NTRK3: variants seen among roughly 807,000 people sequenced by gnomAD.
The protein encoded by NTRK3 is NT-3 growth factor receptor.
In NTRK3, 24 loss-of-function variants were observed where a neutral mutation model predicts 91.7. That is an observed-to-expected ratio of 0.26 (90% CI 0.19 to 0.37). NTRK3 has a LOEUF of 0.37. Among genes scored for constraint, NTRK3 ranks in the 10% least tolerant of loss-of-function variants. The probability of loss-of-function intolerance (pLI) is 1.00; values close to 1 mark genes in which losing one functional copy is unlikely to be tolerated. For synonymous variants in NTRK3, 483 were observed against 404.0 expected (o/e 1.20, Z -2.34); for missense variants, 880 against 1,068.9 (o/e 0.82, Z 2.46).
intron 5 of NTRK3, among the ~76,000 whole-genome samples, chr15:88,167,110 T>A (rs1009485202): frequency 2.6e-5 from 4 of 152,204 alleles, no homozygotes; most frequent in Admixed American, 6.5e-5. Flanking sequence ...ATCCATATAA[T>A]CACCTAATAG....
chr15:87,977,043 G>C (rs2073785255), intron 14 of NTRK3, among the ~76,000 whole-genome samples: 1 of 152,186 alleles, frequency 6.6e-6, no homozygotes, highest in Non-Finnish European at 1.5e-5. Context: ...GGCCTGAGTA[G>C]TGTCTGTAGA....
At chr15:87,973,652 G>A (rs1303814680) in intron 14 of NTRK3, among the ~76,000 whole-genome samples, 1 of 152,126 alleles carries the variant, frequency 6.6e-6, no homozygotes, top group Admixed American at 6.5e-5. Flanking sequence ...GCAATGTGGT[G>A]GGTGGGGGAG....
intron 6 of NTRK3, among the ~76,000 whole-genome samples, chr15:88,145,781 C>A (rs1417780706): frequency 6.6e-6 from 1 of 152,180 alleles, no homozygotes; most frequent in African/African-American, 2.4e-5. Context: ...ACATGCAAGA[C>A]ACCCAAGAAA....
At chr15:87,945,984 T>C (rs182027514) in intron 14 of NTRK3, among the ~76,000 whole-genome samples, 10 of 152,350 alleles carry the variant, frequency 6.6e-5, no homozygotes, top group Admixed American at 5.2e-4. Flanking sequence ...AAAGATGATA[T>C]AAAATATCTA....
chr15:88,037,797 T>C (rs1002961031), intron 13 of NTRK3, among the ~76,000 whole-genome samples: 1 of 152,212 alleles, frequency 6.6e-6, no homozygotes, highest in Non-Finnish European at 1.5e-5. Context: ...TATTGAATAC[T>C]TCCTACACAT....
At chr15:88,175,821 C>G (rs957616173) in intron 5 of NTRK3, among the ~76,000 whole-genome samples, 2 of 152,184 alleles carry the variant, frequency 1.3e-5, no homozygotes, top group Non-Finnish European at 2.9e-5. Context: ...CCAAGATATA[C>G]AGATATATGT....
intron 5 of NTRK3, among the ~76,000 whole-genome samples, chr15:88,165,354 C>A (rs994013966): frequency 2.0e-5 from 3 of 152,172 alleles, no homozygotes; most frequent in African/African-American, 7.2e-5. Context: ...CTAAGTCTTG[C>A]ATTGAACAGG....
chr15:88,148,390 CA>C (rs1215894703), intron 5 of NTRK3, among the ~76,000 whole-genome samples: 9 of 152,114 alleles, frequency 5.9e-5, no homozygotes, highest in Admixed American at 5.2e-4. Context: ...GATGAATAAG[CA>C]GAAGGAAGAG....
chr15:88,134,581 C>T lies in NTRK3; in HGVS notation c.1204+520G>A, dbSNP rs578246338. On this transcript the variant is annotated intron_variant, in intron 10 of 18. Transcript: ENST00000394480. ...CAAGTAGAATGAGGATCAGGTCATTCATCCGTTAAATGGAGGGTTAAACTG... is the reference window on the plus strand; with the variant it reads ...CAAGTAGAATGAGGATCAGGTCATTTATCCGTTAAATGGAGGGTTAAACTG... 2.0e-5 allele frequency among the ~76,000 whole-genome samples: 3 copies of T among 152,304 alleles called. No homozygotes were observed. The East Asian group carries it at 5.8e-4, about 29-fold the overall frequency.
At chr15:87,948,561 G>A (rs955047853) in intron 14 of NTRK3, among the ~76,000 whole-genome samples, 5 of 152,120 alleles carry the variant, frequency 3.3e-5, no homozygotes, top group African/African-American at 1.2e-4. Flanking sequence ...AGTGCCATGT[G>A]CTTATAATCC....
chr15:88,024,851 T>A (rs1355532896), intron 14 of NTRK3, among the ~76,000 whole-genome samples: 1 of 152,232 alleles, frequency 6.6e-6, no homozygotes, highest in East Asian at 1.9e-4. Context: ...TGTGAAGGCA[T>A]GGACACATTG....
Position 88,087,814 on chromosome 15 carries a change from C to T in NTRK3, c.1396+38457G>A, listed in dbSNP as rs189788415. ...CTGTAATCCCAGCACTTTGGGAGGTCGAGGTGGGTGGATCACCTGAGGTCA... is the reference window on the plus strand; with the variant it reads ...CTGTAATCCCAGCACTTTGGGAGGTTGAGGTGGGTGGATCACCTGAGGTCA... On this transcript the variant is annotated intron_variant, in intron 13 of 18. Coordinates refer to ENST00000394480, the Ensembl canonical transcript of NTRK3. 3.0e-3 allele frequency among the ~76,000 whole-genome samples: 458 copies of T among 152,244 alleles called. 2 individuals carry two copies. Among genetic ancestry groups the T allele is most frequent in the African/African-American group, 0.01 (433 of 41,550 alleles).
chr15:88,138,399 G>A (rs1695044960), intron 6 of NTRK3, among the ~76,000 whole-genome samples: 1 of 152,168 alleles, frequency 6.6e-6, no homozygotes, highest in Admixed American at 6.5e-5. Context: ...GACAGAGCAA[G>A]ACTCTGTCTC....
At chr15:88,088,867 G>C (rs2048748165) in intron 13 of NTRK3, among the ~76,000 whole-genome samples, 1 of 152,096 alleles carries the variant, frequency 6.6e-6, no homozygotes, top group Non-Finnish European at 1.5e-5. Flanking sequence ...TGTGACCCTG[G>C]GTAGGCTGCT....
At chr15:88,129,708 G>A (rs2053622376) in intron 10 of NTRK3, among the ~76,000 whole-genome samples, 1 of 152,202 alleles carries the variant, frequency 6.6e-6, no homozygotes, top group African/African-American at 2.4e-5. Flanking sequence ...TGGAGGCCTG[G>A]AGACAGGGCA....
chr15:87,956,835 G>C (rs1337245336), intron 14 of NTRK3, among the ~76,000 whole-genome samples: 2 of 152,224 alleles, frequency 1.3e-5, no homozygotes, highest in Non-Finnish European at 2.9e-5. Context: ...GCCTCCCAAA[G>C]TGCTGGGATT....
chr15:88,136,803 T>C (rs2041920577), intron 7 of NTRK3, among the ~76,000 whole-genome samples, 194 bp from the exon 8 acceptor site: 1 of 152,162 alleles, frequency 6.6e-6, no homozygotes, highest in African/African-American at 2.4e-5. Context: ...GAACTCAGAA[T>C]TGAAGCCCAT....
chr15:87,956,375 G>A (rs1409386096), intron 14 of NTRK3, among the ~76,000 whole-genome samples: 4 of 152,158 alleles, frequency 2.6e-5, no homozygotes, highest in Non-Finnish European at 2.9e-5. Flanking sequence ...CCAGGTTCAA[G>A]CGTTTCTCCT....
chr15:87,987,384 C>G (rs2074903918), intron 14 of NTRK3, among the ~76,000 whole-genome samples: 1 of 152,150 alleles, frequency 6.6e-6, no homozygotes, highest in Non-Finnish European at 1.5e-5. Flanking sequence ...CTAATTACTA[C>G]TGAGGTTGTA....
Sources: gnomAD v4.1 joint callset for allele counts (sites outside exome capture counted in the v4.1 genomes callset) on GRCh38, gnomAD v4.1.1 for gene constraint, MANE v1.5 for transcripts, NCBI Gene and HGNC (gene_info 2026-07-23, HGNC 2026-07-21) for gene names.